The following ITGA9 variants were observed in gnomAD, a reference collection of about 807,000 sequenced individuals.
ITGA9 encodes the protein integrin alpha-9.
A neutral mutation model predicts 127.8 loss-of-function variants in ITGA9; 56 were observed. The ratio of observed to expected loss-of-function variants is 0.44; its 90% CI spans 0.35 to 0.55. The LOEUF (loss-of-function observed/expected upper bound fraction) is 0.55, where lower values mean the gene tolerates loss of function less well. Ranked by LOEUF, ITGA9 falls within the 20% of genes least tolerant of loss-of-function variation. The pLI, the probability that ITGA9 is intolerant of heterozygous loss-of-function variation, is 0.00. For missense variants in ITGA9, 1,196 were observed against 1,347.1 expected (o/e 0.89, Z 1.76); for synonymous variants, 508 against 514.5 (o/e 0.99, Z 0.17).
chr3:37,532,995 T>G (rs1385738041), intron 13 of ITGA9, among the ~76,000 whole-genome samples: 1 of 152,206 alleles, frequency 6.6e-6, no homozygotes, highest in African/African-American at 2.4e-5. Flanking sequence ...AAATGGAAAT[T>G]GGTACTTAAT....
chr3:37,567,028 T>C (rs1209196484), intron 15 of ITGA9, among the ~76,000 whole-genome samples: 1 of 152,202 alleles, frequency 6.6e-6, no homozygotes, highest in African/African-American at 2.4e-5. Context: ...GAAAAGGGGC[T>C]GGAGTCTGCT....
intron 15 of ITGA9, among the ~76,000 whole-genome samples, chr3:37,603,494 A>G (rs992857680): frequency 1.3e-5 from 2 of 152,156 alleles, no homozygotes; most frequent in African/African-American, 4.8e-5. Flanking sequence ...CCCCATGGAC[A>G]TTGAGGAATG....
chr3:37,625,069 G>A (rs939282585), intron 15 of ITGA9, among the ~76,000 whole-genome samples: 1 of 152,164 alleles, frequency 6.6e-6, no homozygotes, highest in African/African-American at 2.4e-5. Context: ...ACCTTTGGGA[G>A]TCAGATGCAG....
intron 15 of ITGA9, among the ~76,000 whole-genome samples, chr3:37,584,375 T>C (rs915269345): frequency 6.6e-6 from 1 of 151,988 alleles, no homozygotes; most frequent in African/African-American, 2.4e-5. Flanking sequence ...AATCCATCAG[T>C]AGAGTGGGGA....
chr3:37,527,316 C>G (rs892960067), intron 13 of ITGA9, among the ~76,000 whole-genome samples: 3 of 152,182 alleles, frequency 2.0e-5, no homozygotes, highest in African/African-American at 7.2e-5. Flanking sequence ...TAAGTTAAAC[C>G]ATTATAAGTC....
chr3:37,760,162 C>G (rs1409818858), intron 23 of ITGA9, among the ~76,000 whole-genome samples: 1 of 151,918 alleles, frequency 6.6e-6, no homozygotes, highest in African/African-American at 2.4e-5. Context: ...ACTCAGGAGG[C>G]TGAGGCAGGA....
intron 9 of ITGA9, among the ~76,000 whole-genome samples, chr3:37,515,443 C>T (rs1219461822): frequency 2.0e-5 from 3 of 152,122 alleles, no homozygotes; most frequent in Non-Finnish European, 4.4e-5. Flanking sequence ...CCTTATGTTG[C>T]GTCTGAGGTT....
chr3:37,605,451 A>AG, intron 15 of ITGA9, among the ~76,000 whole-genome samples: 1 of 152,260 alleles, frequency 6.6e-6, no homozygotes, highest in East Asian at 1.9e-4. Context: ...AGAGAGTCTG[A>AG]GGTGCAAGAA....
chr3:37,634,644 T>C, intron 16 of ITGA9, among the ~76,000 whole-genome samples: 1 of 152,272 alleles, frequency 6.6e-6, no homozygotes, highest in Non-Finnish European at 1.5e-5. Context: ...TTGCAGTACA[T>C]TAATATTAGG....
intron 3 of ITGA9, among the ~76,000 whole-genome samples, chr3:37,474,995 G>A (rs1308774612): frequency 2.6e-4 from 39 of 152,336 alleles, no homozygotes; most frequent in Admixed American, 2.4e-3. Flanking sequence ...GGATGCTGTC[G>A]CCAGCATGGT....
At chr3:37,723,762 T>G (rs780128992) in intron 18 of ITGA9, among the ~76,000 whole-genome samples, 1 of 152,208 alleles carries the variant, frequency 6.6e-6, no homozygotes, top group African/African-American at 2.4e-5. Flanking sequence ...TGTAGCCCCA[T>G]CCCCTAGAAC....
At chr3:37,492,306 G>C (rs572126768) in intron 4 of ITGA9, among the ~76,000 whole-genome samples, 30 of 152,330 alleles carry the variant, frequency 2.0e-4, no homozygotes, top group African/African-American at 7.0e-4. Context: ...TGATGGTACC[G>C]ACTTCCATGT....
At chr3:37,459,707 G>A (rs1314704175) in intron 1 of ITGA9, among the ~76,000 whole-genome samples, 2 of 152,334 alleles carry the variant, frequency 1.3e-5, no homozygotes, top group East Asian at 3.9e-4. Flanking sequence ...TCGAGCACAG[G>A]CCTGTGCCTT....
intron 3 of ITGA9, among the ~76,000 whole-genome samples, chr3:37,474,791 G>T (rs1278033949): frequency 6.6e-6 from 1 of 152,232 alleles, no homozygotes; most frequent in Non-Finnish European, 1.5e-5. Flanking sequence ...GCAAAGCTGA[G>T]GGTTTCGTGT....
intron 1 of ITGA9, among the ~76,000 whole-genome samples, chr3:37,457,786 T>G (rs1249442341): frequency 1.3e-5 from 2 of 152,176 alleles, no homozygotes; most frequent in African/African-American, 2.4e-5. Context: ...AAGGGTGCTG[T>G]TTTCTGAGCT....
intron 15 of ITGA9, among the ~76,000 whole-genome samples, chr3:37,553,899 G>C (rs1037239797): frequency 1.3e-5 from 2 of 152,166 alleles, no homozygotes; most frequent in Non-Finnish European, 2.9e-5. Context: ...CCAGGACAGG[G>C]GCTTAAGCAC....
chr3:37,608,892 G>T (rs534141633), intron 15 of ITGA9, among the ~76,000 whole-genome samples: 11 of 152,240 alleles, frequency 7.2e-5, no homozygotes, highest in African/African-American at 2.4e-4. Flanking sequence ...GGACTAGGTG[G>T]ACTGATGGAC....
intron 1 of ITGA9, among the ~76,000 whole-genome samples, chr3:37,459,371 T>G (rs1484706411): frequency 6.6e-6 from 1 of 152,216 alleles, no homozygotes; most frequent in East Asian, 1.9e-4. Context: ...CCCAGCAGAT[T>G]TGCTGTCTGG....
At chr3:37,674,604 G>A (rs1032181746) in intron 17 of ITGA9, among the ~76,000 whole-genome samples, 1 of 152,168 alleles carries the variant, frequency 6.6e-6, no homozygotes, top group South Asian at 2.1e-4. Context: ...AGTTATACCA[G>A]TTTATGGCAG....
Sources: gnomAD v4.1 joint callset for allele counts (sites outside exome capture counted in the v4.1 genomes callset) on GRCh38, gnomAD v4.1.1 for gene constraint, MANE v1.5 for transcripts, NCBI Gene and HGNC (gene_info 2026-07-23, HGNC 2026-07-21) for gene names.